The following NTNG2 variants were observed in gnomAD, a reference collection of about 807,000 sequenced individuals.
NTNG2 encodes the protein netrin-G2.
NTNG2 carries 15 observed loss-of-function variants against 47.6 expected under a neutral mutation model. That is an observed-to-expected ratio of 0.32 (90% CI 0.21 to 0.49). The LOEUF is 0.49. NTNG2 is among the 20% of genes least tolerant of loss of function. The probability of loss-of-function intolerance (pLI) is 0.99; values close to 1 mark genes in which losing one functional copy is unlikely to be tolerated. For missense variants in NTNG2, 578 were observed against 764.6 expected (o/e 0.76, Z 2.88); for synonymous variants, 307 against 324.6 (o/e 0.95, Z 0.58).
At chr9:132,173,156 A>G (rs1836061079) in intron 2 of NTNG2, among the ~76,000 whole-genome samples, 1 of 152,198 alleles carries the variant, frequency 6.6e-6, no homozygotes, top group Non-Finnish European at 1.5e-5. Context: ...GGAGGTTTGC[A>G]CAACTCTGTC....
chr9:132,225,413 G>A (rs1172361296), intron 3 of NTNG2, among the ~76,000 whole-genome samples: 1 of 152,110 alleles, frequency 6.6e-6, no homozygotes, highest in Non-Finnish European at 1.5e-5. Flanking sequence ...TAGGACTGCA[G>A]GCATGTGCCA....
At chr9:132,164,409 G>A (rs1301151863) in intron 1 of NTNG2, among the ~76,000 whole-genome samples, 4 of 152,344 alleles carry the variant, frequency 2.6e-5, no homozygotes, top group Non-Finnish European at 5.9e-5. Context: ...GCAGCTGAAG[G>A]AAGGTTGCAG....
intron 1 of NTNG2, chr9:132,166,140 C>A (rs1037185187): frequency 6.6e-6 from 1 of 152,570 alleles, no homozygotes; most frequent in African/African-American, 2.4e-5. Flanking sequence ...TAGTGCCGGC[C>A]CCCACCAAAG....
chr9:132,230,571 G>A lies in NTNG2; in HGVS notation c.1031-1G>A, dbSNP rs1365535119. 6.2e-7 allele frequency: 1 copy of A among 1,604,592 alleles called. No homozygotes were observed. Among genetic ancestry groups the A allele is most frequent in the South Asian group, 1.1e-5 (1 of 89,026 alleles). ...AGCTCACGCCCGTCTCTCTCCCACA[G>A]GTGCCACTGCAGGTTCCTTTGGCAG... On this transcript the variant is annotated splice_acceptor_variant, in intron 4 of 7. Coordinates refer to ENST00000393229, the MANE Select transcript of NTNG2 (RefSeq NM_032536.4). LOFTEE classifies it high-confidence loss of function.
intron 2 of NTNG2, among the ~76,000 whole-genome samples, chr9:132,185,891 A>AGT (rs1564395970): frequency 1.0e-4 from 15 of 148,812 alleles, no homozygotes; most frequent in South Asian, 6.3e-4. Context: ...GAGGAGGAGG[A>AGT]GGGAAAGGAG....
chr9:132,229,399 C>T (rs914420), intron 4 of NTNG2, among the ~76,000 whole-genome samples: 27,145 of 152,014 alleles, frequency 0.18, 3,014 homozygotes, highest in East Asian at 0.4. Context: ...TCCCTCCATC[C>T]GCTCCAAGTC....
At chr9:132,176,187 A>ATC (rs1836439738) in intron 2 of NTNG2, among the ~76,000 whole-genome samples, 1 of 151,884 alleles carries the variant, frequency 6.6e-6, no homozygotes, top group African/African-American at 2.4e-5. Context: ...CATCTCTCAA[A>ATC]AAAAAAAAGT....
chr9:132,191,228 C>T (rs572140828), intron 2 of NTNG2, among the ~76,000 whole-genome samples: 4 of 152,276 alleles, frequency 2.6e-5, no homozygotes, highest in East Asian at 1.9e-4. Flanking sequence ...GGACAGTCCA[C>T]GCCATGAAGT....
chr9:132,174,322 GGACGGACA>G (rs1836234991), intron 2 of NTNG2, among the ~76,000 whole-genome samples: 2 of 128,320 alleles, frequency 1.6e-5, no homozygotes, highest in Admixed American at 7.4e-5. Context: ...ACGGACGGAC[GGACGGACA>G]GACAGACAGG....
chr9:132,179,912 G>T (rs1836807030), intron 2 of NTNG2, among the ~76,000 whole-genome samples: 1 of 152,174 alleles, frequency 6.6e-6, no homozygotes, highest in Non-Finnish European at 1.5e-5. Flanking sequence ...CCACAGAGGG[G>T]TCCCCTGACC....
At chr9:132,181,059 G>GT (rs983496728) in intron 2 of NTNG2, among the ~76,000 whole-genome samples, 4 of 152,176 alleles carry the variant, frequency 2.6e-5, no homozygotes, top group African/African-American at 7.2e-5. Context: ...TTGGTTCCCT[G>GT]TAATTGTCTG....
intron 3 of NTNG2, among the ~76,000 whole-genome samples, chr9:132,206,950 C>T (rs1223529949): frequency 6.6e-6 from 1 of 152,232 alleles, no homozygotes; most frequent in Non-Finnish European, 1.5e-5. Flanking sequence ...GCGGTCTCCT[C>T]TGGTCTTTGG....
intron 5 of NTNG2, among the ~76,000 whole-genome samples, chr9:132,234,067 G>A (rs920867999): frequency 4.9e-5 from 7 of 143,886 alleles, no homozygotes; most frequent in African/African-American, 1.6e-4. Context: ...CGCTCTTGTC[G>A]CTGAGGCTGG....
intron 2 of NTNG2, among the ~76,000 whole-genome samples, chr9:132,185,199 C>T (rs1837265551): frequency 6.6e-6 from 1 of 152,230 alleles, no homozygotes; most frequent in African/African-American, 2.4e-5. Flanking sequence ...CATCCGGAAA[C>T]CTCTTTCAGC....
intron 2 of NTNG2, among the ~76,000 whole-genome samples, chr9:132,185,814 T>C (rs931225784): frequency 7.3e-6 from 1 of 136,860 alleles, no homozygotes; most frequent in African/African-American, 2.8e-5. Flanking sequence ...TGAGCCCCTG[T>C]GTGTGCAGGG....
At chr9:132,200,242 G>A (rs1358705471) in intron 3 of NTNG2, among the ~76,000 whole-genome samples, 3 of 152,228 alleles carry the variant, frequency 2.0e-5, no homozygotes, top group African/African-American at 7.2e-5. Context: ...ACCCAAGGGT[G>A]CTGGGGCAGT....
chr9:132,198,592 C>T lies in NTNG2; in HGVS notation c.840C>T (p.Asn280=), dbSNP rs1010069192. 34 of 1,607,302 alleles carry T rather than the reference C, an allele frequency of 2.1e-5. No individual in the cohort carries two copies. Among genetic ancestry groups the T allele is most frequent in the African/African-American group, 2.7e-5 (2 of 74,856 alleles). Residue 280 remains asparagine, a synonymous_variant, in exon 3 of 8, where the codon AAC becomes AAT. Transcript: ENST00000393229. ...NLYKYFYAIS[N]IEVIGRCKCN... ...ACAAGTACTTCTACGCCATCTCCAA[C>T]ATCGAGGTCATCGGCAGGTAAGGCC... is the stretch of plus-strand genomic sequence containing the variant.
intron 3 of NTNG2, among the ~76,000 whole-genome samples, chr9:132,206,259 A>G (rs1012275722): frequency 2.6e-5 from 4 of 152,224 alleles, no homozygotes; most frequent in African/African-American, 4.8e-5. Context: ...GTGTGTGTGC[A>G]GTCAGTTGGT....
chr9:132,212,639 G>T (rs577890407), intron 3 of NTNG2, among the ~76,000 whole-genome samples: 9 of 152,100 alleles, frequency 5.9e-5, no homozygotes, highest in South Asian at 4.2e-4. Flanking sequence ...GCTTTCTCAG[G>T]ATCTCAGGTT....
Sources: allele counts gnomAD v4.1 joint callset (sites outside exome capture counted in the v4.1 genomes callset), GRCh38; gene constraint gnomAD v4.1.1; transcripts MANE v1.5; gene names NCBI Gene and HGNC (gene_info 2026-07-23, HGNC 2026-07-21).